Variants in FARS2 observed in about 807,000 individuals in gnomAD.
The protein encoded by FARS2 is phenylalanine--tRNA ligase, mitochondrial.
A neutral mutation model predicts 46.4 loss-of-function variants in FARS2; 40 were observed. The observed-to-expected ratio is 0.86, with a 90% confidence interval of 0.67 to 1.12. FARS2 has a LOEUF of 1.12. Among genes scored for constraint, FARS2 ranks in the 50% most tolerant of loss-of-function variants. FARS2 has a pLI of 0.00. For synonymous variants in FARS2, 234 were observed against 214.9 expected (o/e 1.09, Z -0.78); for missense variants, 513 against 567.9 (o/e 0.90, Z 0.98).
At chr6:5,401,607 A>C (rs557908687) in intron 2 of FARS2, among the ~76,000 whole-genome samples, 1 of 152,150 alleles carries the variant, frequency 6.6e-6, no homozygotes, top group Non-Finnish European at 1.5e-5. Flanking sequence ...GTTATTTATT[A>C]CTTGAACAAG....
intron 6 of FARS2, among the ~76,000 whole-genome samples, chr6:5,626,877 A>G (rs1776059174): frequency 6.6e-6 from 1 of 152,248 alleles, no homozygotes; most frequent in Non-Finnish European, 1.5e-5. Flanking sequence ...GGTGCAGCCT[A>G]CTGCACACAT....
intron 1 of FARS2, among the ~76,000 whole-genome samples, chr6:5,364,905 AC>A (rs1331459070): frequency 6.6e-6 from 1 of 152,062 alleles, no homozygotes; most frequent in Non-Finnish European, 1.5e-5. Flanking sequence ...AGTGGCTTGC[AC>A]CTGTAGTCCT....
intron 1 of FARS2, among the ~76,000 whole-genome samples, chr6:5,292,398 T>C (rs1767567365): frequency 6.6e-6 from 1 of 152,182 alleles, no homozygotes; most frequent in South Asian, 2.1e-4. Flanking sequence ...TCTGGTAATC[T>C]CAGTGAGAGA....
At chr6:5,262,615 TCTCTGAC>T (rs1765261558) in intron 1 of FARS2, among the ~76,000 whole-genome samples, 1 of 152,172 alleles carries the variant, frequency 6.6e-6, no homozygotes, top group Non-Finnish European at 1.5e-5. Context: ...AAAAAACACT[TCTCTGAC>T]CTTACCATTC....
At chr6:5,483,460 G>A (rs1018209987) in intron 4 of FARS2, among the ~76,000 whole-genome samples, 9 of 152,098 alleles carry the variant, frequency 5.9e-5, no homozygotes, top group African/African-American at 1.2e-4. Flanking sequence ...CTGAGGTCAC[G>A]AGGTCAAGAT....
chr6:5,514,689 C>T (rs994368890), intron 4 of FARS2, among the ~76,000 whole-genome samples: 1 of 152,140 alleles, frequency 6.6e-6, no homozygotes, highest in Non-Finnish European at 1.5e-5. Context: ...CTTATACTGA[C>T]ATCCCTTGAC....
At chr6:5,749,960 C>T (rs1582877283) in intron 6 of FARS2, among the ~76,000 whole-genome samples, 1 of 152,190 alleles carries the variant, frequency 6.6e-6, no homozygotes, top group African/African-American at 2.4e-5. Flanking sequence ...GGGAGTTACA[C>T]GCATTCCACC....
At chr6:5,487,103 A>G (rs1766819675) in intron 4 of FARS2, among the ~76,000 whole-genome samples, 1 of 152,184 alleles carries the variant, frequency 6.6e-6, no homozygotes, top group Admixed American at 6.5e-5. Flanking sequence ...ATAAAAAGAT[A>G]ACACTCAGCT....
At chr6:5,481,532 A>G (rs1008935923) in intron 4 of FARS2, among the ~76,000 whole-genome samples, 1 of 152,138 alleles carries the variant, frequency 6.6e-6, no homozygotes, top group Non-Finnish European at 1.5e-5. Flanking sequence ...GTCTCCAGCC[A>G]TTTGTTACAA....
intron 6 of FARS2, among the ~76,000 whole-genome samples, chr6:5,760,167 C>T (rs1440661475): frequency 5.3e-5 from 8 of 152,174 alleles, no homozygotes; most frequent in Non-Finnish European, 1.2e-4. Flanking sequence ...AATTAACGGA[C>T]ACTGAGTCTT....
At chr6:5,632,138 A>C (rs6597155) in intron 6 of FARS2, among the ~76,000 whole-genome samples, 87,958 of 151,522 alleles carry the variant, frequency 0.58, 26,370 homozygotes, top group East Asian at 0.93. Context: ...AAAAATTCAG[A>C]AACTGTATCT....
chr6:5,607,283 GTA>G (rs771706079), intron 5 of FARS2, among the ~76,000 whole-genome samples: 10 of 24,166 alleles, frequency 4.1e-4, no homozygotes, highest in African/African-American at 1.2e-3. Context: ...AGAATAATAT[GTA>G]TGTGTGTGTG....
At chr6:5,297,407 G>A (rs775610261) in intron 1 of FARS2, among the ~76,000 whole-genome samples, 3 of 152,192 alleles carry the variant, frequency 2.0e-5, no homozygotes, top group African/African-American at 7.2e-5. Context: ...CAGCACTTTG[G>A]GGGGCCAAGG....
At position 5,402,017 on chromosome 6, in the gene FARS2, C is replaced by T. The variant is rs151325205; in HGVS notation, c.613-2525C>T. Among the ~76,000 whole-genome samples the T allele has an allele frequency of 1.5e-3, 227 of 151,766 alleles. 1 individual carries two copies. The highest frequency in any genetic ancestry group is 6.8e-3 in the Middle Eastern group (2 of 294). On this transcript the variant is annotated intron_variant, in intron 2 of 6. Coordinates refer to ENST00000274680, the MANE Select transcript of FARS2 (RefSeq NM_006567.5). Reference sequence around the variant, plus strand: ...CCATTGTTTTTTTTTCCCTCTTTAACGGACTCCAATTATATAAATGTAATT... The same window carrying T: ...CCATTGTTTTTTTTTCCCTCTTTAATGGACTCCAATTATATAAATGTAATT...
At chr6:5,269,761 A>T (rs2127821599) in intron 1 of FARS2, among the ~76,000 whole-genome samples, 1 of 152,358 alleles carries the variant, frequency 6.6e-6, no homozygotes, top group South Asian at 2.1e-4. Flanking sequence ...CTGTGATGTT[A>T]ACTGATCTCT....
chr6:5,278,242 T>G (rs34350132), intron 1 of FARS2, among the ~76,000 whole-genome samples: 3,597 of 152,284 alleles, frequency 0.024, 147 homozygotes, highest in African/African-American at 0.08. Flanking sequence ...TGAAATAACC[T>G]ATTCTCTCCT....
chr6:5,705,391 G>A (rs144075691), intron 6 of FARS2, among the ~76,000 whole-genome samples: 2 of 152,096 alleles, frequency 1.3e-5, no homozygotes, highest in African/African-American at 4.8e-5. Context: ...AGTTGCATGC[G>A]CCATGAAGAG....
chr6:5,597,497 T>G (rs1774264616), intron 5 of FARS2, among the ~76,000 whole-genome samples: 1 of 152,188 alleles, frequency 6.6e-6, no homozygotes, highest in Non-Finnish European at 1.5e-5. Flanking sequence ...GCGCCTGATG[T>G]TCTTTTCTCT....
chr6:5,268,280 A>G (rs1344868833), intron 1 of FARS2, among the ~76,000 whole-genome samples: 13 of 151,750 alleles, frequency 8.6e-5, no homozygotes, highest in Admixed American at 5.3e-4. Context: ...GTCCTTGCCC[A>G]TGCCTATGTC....
Sources: gnomAD v4.1 joint callset for allele counts (sites outside exome capture counted in the v4.1 genomes callset) on GRCh38, gnomAD v4.1.1 for gene constraint, MANE v1.5 for transcripts, NCBI Gene and HGNC (gene_info 2026-07-23, HGNC 2026-07-21) for gene names.